Variants in PGRMC2 observed in about 807,000 individuals in gnomAD.
PGRMC2 encodes membrane-associated progesterone receptor component 2.
Under a neutral mutation model 19.3 loss-of-function variants are expected in PGRMC2, and 9 were observed. The observed-to-expected ratio is 0.47, with a 90% CI of 0.28 to 0.81. The LOEUF is 0.81. Ranked by LOEUF, PGRMC2 falls within the 40% of genes least tolerant of loss-of-function variation. PGRMC2 has a pLI of 0.11. For missense variants in PGRMC2, 289 were observed against 297.3 expected (o/e 0.97, Z 0.21); for synonymous variants, 157 against 124.6 (o/e 1.26, Z -1.73).
chr4:128,271,078 CCTT>C lies in PGRMC2; in HGVS notation c.*235_*237del, dbSNP rs370428671. 1,964 of 336,606 alleles carry C rather than the reference CCTT, an allele frequency of 5.8e-3. 9 individuals carry two copies. The highest frequency in any genetic ancestry group is 7.6e-3 in the Non-Finnish European group (1,412 of 186,482). 20.9% of individuals were successfully genotyped at this position (336,606 alleles called of 1,614,324 possible). On this transcript the variant is annotated 3_prime_UTR_variant, in exon 3 of 3. Transcript: ENST00000296425. ...TTGCTCTTTAAAAAAATCCCTGTCTCCTTCTTTTCAGGATGATGAAGCCCCACT... is the reference window on the plus strand; with the variant it reads ...TTGCTCTTTAAAAAAATCCCTGTCTCCTTTTCAGGATGATGAAGCCCCACT...
chr4:128,278,491 GA>G (rs1398142600), intron 1 of PGRMC2, among the ~76,000 whole-genome samples: 1 of 152,138 alleles, frequency 6.6e-6, no homozygotes, highest in African/African-American at 2.4e-5. Flanking sequence ...AGAATCGCTT[GA>G]ACCCGGGATA....
Position 128,287,572 on chromosome 4 carries a change from C to A in PGRMC2, c.219G>T (p.Val73=). The A allele has an allele frequency of 6.5e-7, 1 of 1,529,452 alleles. No individual in the cohort carries two copies. The highest frequency in any genetic ancestry group is 8.8e-7 in the Non-Finnish European group (1 of 1,137,580). 94.7% of individuals were successfully genotyped at this position (1,529,452 alleles called of 1,614,324 possible). A position where few individuals can be genotyped will look rare whatever the true frequency, so the allele number is the denominator to read the frequency against. ...CCCCCAGACCCCGCCGCCCCCAGCG[C>A]ACCCACAGCCGGTAGGCCCCCAGCA... ...LVLLGAYRLW[V]RWGRRGLGAG... is the part of the protein sequence containing the mutation. Residue 73 remains valine, a synonymous_variant, in exon 1 of 3, where the codon GTG becomes GTT. Coordinates refer to ENST00000296425, the MANE Select transcript of PGRMC2 (RefSeq NM_006320.6).
chr4:128,278,983 C>T (rs913610860), intron 1 of PGRMC2, among the ~76,000 whole-genome samples: 9 of 151,992 alleles, frequency 5.9e-5, no homozygotes, highest in South Asian at 2.1e-4. Flanking sequence ...CTGAGGTGGG[C>T]GGATTGCCCG....
intron 1 of PGRMC2, among the ~76,000 whole-genome samples, chr4:128,284,404 G>C (rs1168068760): frequency 6.6e-6 from 1 of 152,156 alleles, no homozygotes; most frequent in Non-Finnish European, 1.5e-5. Context: ...CTGATATTGT[G>C]GGTGCTTAAC....
chr4:128,269,514 A>C lies in PGRMC2; in HGVS notation c.*1802T>G, dbSNP rs1041295913. The C allele has an allele frequency of 6.6e-6, 1 of 152,134 alleles. No individual in the cohort carries two copies. Among genetic ancestry groups the C allele is most frequent in the Non-Finnish European group, 1.5e-5 (1 of 68,028 alleles). 9.4% of individuals were successfully genotyped at this position (152,134 alleles called of 1,614,324 possible). On this transcript the variant is annotated 3_prime_UTR_variant, in exon 3 of 3. Coordinates refer to ENST00000296425, the MANE Select transcript of PGRMC2 (RefSeq NM_006320.6). ...ACACTCCACAACCAGTCTTCAGCAA[A>C]GATTTGGCTGAAGATAACTTTCTAC... is the stretch of plus-strand genomic sequence containing the variant.
chr4:128,287,748 TC>T lies in PGRMC2; in HGVS notation c.42del (p.Ser15ValfsTer34). On this transcript the variant is annotated frameshift_variant, in exon 1 of 3. Coordinates refer to ENST00000296425, the MANE Select transcript of PGRMC2 (RefSeq NM_006320.6). LOFTEE classifies it high-confidence loss of function. Reference protein sequence around the residue: ...GDGDVKLGTLGSGSESSNDGG... With the variant: ...GDGDVKLGTLXSGSESSNDGG... ...CCGTCGTTGCTGCTCTCGCTGCCAC[TC>T]CCCAGGGTGCCTAGCTTCACGTCCC... 2.0e-6 allele frequency: 3 copies of T among 1,475,412 alleles called. No homozygotes were observed. The highest frequency in any genetic ancestry group is 1.2e-5 in the South Asian group (1 of 85,330). The allele number at this position is 1,475,412 out of a possible 1,614,324, so 91.4% of individuals were successfully genotyped here.
intron 2 of PGRMC2, among the ~76,000 whole-genome samples, chr4:128,271,691 T>G (rs1164973081): frequency 6.6e-6 from 1 of 152,168 alleles, no homozygotes; most frequent in African/African-American, 2.4e-5. Flanking sequence ...TCAGAATCAC[T>G]TGGAGATCTT....
chr4:128,272,271 A>G, intron 2 of PGRMC2, 91 bp downstream of exon 2: 1 of 734,152 alleles, frequency 1.4e-6, no homozygotes, highest in South Asian at 4.4e-5. Flanking sequence ...AAAACGGATG[A>G]CATCCTTAGG....
intron 1 of PGRMC2, among the ~76,000 whole-genome samples, chr4:128,276,460 T>C (rs904523772): frequency 3.3e-5 from 5 of 152,174 alleles, no homozygotes; most frequent in African/African-American, 1.2e-4. Flanking sequence ...GCTGGGATTA[T>C]TGGGTGTGGC....
intron 1 of PGRMC2, among the ~76,000 whole-genome samples, chr4:128,284,608 G>C (rs1173917574): frequency 2.0e-5 from 3 of 151,444 alleles, no homozygotes; most frequent in Non-Finnish European, 4.4e-5. Flanking sequence ...CTTTAAAAAT[G>C]TATGACTAAA....
chr4:128,280,741 G>A (rs1040611894), intron 1 of PGRMC2, among the ~76,000 whole-genome samples: 2 of 152,112 alleles, frequency 1.3e-5, no homozygotes, highest in Non-Finnish European at 2.9e-5. Flanking sequence ...GGGGCCACAG[G>A]TGCATGTCAC....
At chr4:128,272,598 A>AC in intron 1 of PGRMC2, 81 bp from the exon 2 acceptor site, 1 of 920,428 alleles carries the variant, frequency 1.1e-6, no homozygotes. Flanking sequence ...AAAAAAAAAA[A>AC]AAAAACACAA....
chr4:128,276,014 C>A (rs1052692352), intron 1 of PGRMC2, among the ~76,000 whole-genome samples: 1 of 152,186 alleles, frequency 6.6e-6, no homozygotes, highest in African/African-American at 2.4e-5. Flanking sequence ...GCCTAAGCCA[C>A]CATGCCCAGC....
At position 128,287,708 on chromosome 4, in the gene PGRMC2, G is replaced by A; in HGVS notation, c.83C>T (p.Pro28Leu). The change falls in exon 1 of 3, where the codon CCA becomes CTA. Residue 28 changes from proline (P) to leucine (L), a missense_variant. Coordinates refer to ENST00000296425, the MANE Select transcript of PGRMC2 (RefSeq NM_006320.6). The stretch of plus-strand genomic sequence containing the variant: ...TTCCGCTGCCGCTCCCGCGTCGCCT[G>A]GACTCTCGCTGCCGCCGTCGTTGCT... ...ESSNDGGSES[P>L]GDAGAAAEGG... is the part of the protein sequence containing the mutation. 10 of 1,511,786 alleles carry A rather than the reference G, an allele frequency of 6.6e-6. No individual in the cohort carries two copies. The highest frequency in any genetic ancestry group is 8.9e-6 in the Non-Finnish European group (10 of 1,122,428). The allele number at this position is 1,511,786 out of a possible 1,614,324, so 93.6% of individuals were successfully genotyped here. A position where few individuals can be genotyped will look rare whatever the true frequency, so the allele number is the denominator to read the frequency against.
At chr4:128,286,612 G>A (rs1236662421) in intron 1 of PGRMC2, 4 of 398,372 alleles carry the variant, frequency 1.0e-5, no homozygotes, top group Non-Finnish European at 1.8e-5. Context: ...AGAAACCAGA[G>A]ACACGCCTGC....
intron 1 of PGRMC2, among the ~76,000 whole-genome samples, chr4:128,274,383 C>G (rs190318907): frequency 2.6e-5 from 4 of 152,102 alleles, no homozygotes; most frequent in African/African-American, 9.6e-5. Context: ...TGGTGGCGCA[C>G]GCCTGTAATC....
intron 1 of PGRMC2, among the ~76,000 whole-genome samples, chr4:128,281,042 AAC>A (rs1760903656): frequency 6.6e-6 from 1 of 152,248 alleles, no homozygotes; most frequent in Non-Finnish European, 1.5e-5. Flanking sequence ...TGCAAGAAAC[AAC>A]AGTGAATTAA....
At chr4:128,286,893 A>AGG (rs70966099) in intron 1 of PGRMC2, 1 of 358,018 alleles carries the variant, frequency 2.8e-6, no homozygotes, top group Non-Finnish European at 5.0e-6. Flanking sequence ...AAAAAAAAAA[A>AGG]GGGGGCAAGG....
chr4:128,272,347 A>G lies in PGRMC2; in HGVS notation c.574+15T>C. 1 of 1,438,490 alleles carries G rather than the reference A, an allele frequency of 7.0e-7. No homozygotes were observed. Among genetic ancestry groups the G allele is most frequent in the East Asian group, 2.5e-5 (1 of 39,248 alleles). The allele number at this position is 1,438,490 out of a possible 1,614,324, so 89.1% of individuals were successfully genotyped here. ...AATATTTAATTTTCCAAAGAATCCA[A>G]CAAAATAAAAATACCTTTAAACTGC... On this transcript the variant is annotated intron_variant, in intron 2 of 2. Transcript: ENST00000296425.
Sources: gnomAD v4.1 joint callset for allele counts (sites outside exome capture counted in the v4.1 genomes callset) on GRCh38, gnomAD v4.1.1 for gene constraint, MANE v1.5 for transcripts, NCBI Gene and HGNC (gene_info 2026-07-23, HGNC 2026-07-21) for gene names.